The following SOBP variants were observed in gnomAD, a reference collection of about 807,000 sequenced individuals.
The protein encoded by SOBP is sine oculis binding protein homolog, also known as sine oculis-binding protein homolog.
Under a neutral mutation model 53.6 loss-of-function variants are expected in SOBP, and 4 were observed. That is an observed-to-expected ratio of 0.07 (90% confidence interval 0.04 to 0.17). SOBP has a LOEUF of 0.17. Ranked by LOEUF, SOBP falls within the 10% of genes least tolerant of loss-of-function variation. SOBP has a pLI of 1.00. For synonymous variants in SOBP, 584 were observed against 522.6 expected, an observed-to-expected ratio of 1.12 and a Z score of -1.60; for missense variants, 1,088 against 1,204.7, an observed-to-expected ratio of 0.90 and a Z score of 1.43.
chr6:107,584,383 T>A (rs1390210791), intron 4 of SOBP, among the ~76,000 whole-genome samples: 1 of 152,202 alleles, frequency 6.6e-6, no homozygotes, highest in African/African-American at 2.4e-5. Flanking sequence ...ATTAAAAATT[T>A]CACAATGCAA....
At chr6:107,542,531 G>C (rs1784178097) in intron 4 of SOBP, among the ~76,000 whole-genome samples, 1 of 152,102 alleles carries the variant, frequency 6.6e-6, no homozygotes, top group African/African-American at 2.4e-5. Context: ...TTTTGTTGTT[G>C]ATTGGGCCTC....
Position 107,556,279 on chromosome 6 carries a change from A to G in SOBP, c.573+22669A>G, listed in dbSNP as rs999208015. Reference sequence around the variant, plus strand: ...TCATGTGTAAAAAGCAGAAATGCACACTCTGAAGCAAACCCAGTAAATCAG... The same window carrying G: ...TCATGTGTAAAAAGCAGAAATGCACGCTCTGAAGCAAACCCAGTAAATCAG... On this transcript the variant is annotated intron_variant, in intron 4 of 6. Transcript: ENST00000317357. Among the ~76,000 whole-genome samples the G allele has an allele frequency of 5.9e-5, 9 of 152,218 alleles. No individual in the cohort carries two copies. In the East Asian group the frequency reaches 1.7e-3, roughly 29 times the overall value.
At chr6:107,600,819 A>G (rs1375560860) in intron 5 of SOBP, among the ~76,000 whole-genome samples, 2 of 152,246 alleles carry the variant, frequency 1.3e-5, no homozygotes, top group African/African-American at 4.8e-5. Context: ...CTAGTCAGCA[A>G]GCTTTTATTG....
At chr6:107,563,753 C>T (rs951034356) in intron 4 of SOBP, among the ~76,000 whole-genome samples, 1 of 152,014 alleles carries the variant, frequency 6.6e-6, no homozygotes, top group African/African-American at 2.4e-5. Flanking sequence ...GCAGAGGACA[C>T]CCTTTCCACA....
At chr6:107,591,967 T>TG in intron 5 of SOBP, among the ~76,000 whole-genome samples, 3 of 77,846 alleles carry the variant, frequency 3.9e-5, no homozygotes, top group Non-Finnish European at 7.2e-5. Flanking sequence ...GGTCTTTTGG[T>TG]GTTTTTTTTT....
At chr6:107,606,892 C>T (rs530193105) in intron 5 of SOBP, among the ~76,000 whole-genome samples, 14 of 152,332 alleles carry the variant, frequency 9.2e-5, no homozygotes, top group African/African-American at 3.1e-4. Flanking sequence ...TGATGTCCAA[C>T]GTGGAGCTTA....
intron 3 of SOBP, among the ~76,000 whole-genome samples, chr6:107,509,086 G>C (rs1237903077): frequency 1.3e-5 from 2 of 152,174 alleles, no homozygotes; most frequent in Non-Finnish European, 2.9e-5. Context: ...TGGTTGTTGT[G>C]GAGATGAGAT....
chr6:107,579,527 A>G (rs1159513977), intron 4 of SOBP, among the ~76,000 whole-genome samples: 1 of 152,164 alleles, frequency 6.6e-6, no homozygotes, highest in African/African-American at 2.4e-5. Context: ...AACATGATAT[A>G]TTTTAGTTCA....
intron 5 of SOBP, among the ~76,000 whole-genome samples, chr6:107,594,638 G>T (rs61362725): frequency 9.2e-5 from 14 of 152,118 alleles, no homozygotes; most frequent in African/African-American, 3.4e-4. Flanking sequence ...AGCCATATCT[G>T]CCATAGCAAA....
chr6:107,519,945 T>C (rs1202485523), intron 3 of SOBP, among the ~76,000 whole-genome samples: 1 of 152,112 alleles, frequency 6.6e-6, no homozygotes, highest in Non-Finnish European at 1.5e-5. Flanking sequence ...TGTACAGAAG[T>C]CCACAGTGAA....
intron 2 of SOBP, among the ~76,000 whole-genome samples, chr6:107,504,742 T>C (rs1289928568): frequency 6.6e-6 from 1 of 152,262 alleles, no homozygotes; most frequent in Non-Finnish European, 1.5e-5. Flanking sequence ...GGAAATGTAA[T>C]TGAGCTGCCC....
At chr6:107,556,803 CAG>C (rs1334182610) in intron 4 of SOBP, among the ~76,000 whole-genome samples, 4 of 152,132 alleles carry the variant, frequency 2.6e-5, no homozygotes, top group Non-Finnish European at 5.9e-5. Flanking sequence ...CTGGGTGAAA[CAG>C]AGTCTAGTCA....
intron 4 of SOBP, among the ~76,000 whole-genome samples, chr6:107,583,692 G>C (rs935774870): frequency 4.6e-5 from 7 of 151,942 alleles, no homozygotes; most frequent in Non-Finnish European, 7.4e-5. Context: ...CACCTGGCTA[G>C]TTTTTGTTTT....
At chr6:107,631,405 G>C (rs1284920555) in intron 5 of SOBP, among the ~76,000 whole-genome samples, 3 of 152,094 alleles carry the variant, frequency 2.0e-5, no homozygotes, top group Non-Finnish European at 4.4e-5. Context: ...TTTCATAGTG[G>C]AATTTAAGTG....
intron 6 of SOBP, among the ~76,000 whole-genome samples, chr6:107,651,921 T>C (rs1771817851): frequency 6.6e-6 from 1 of 152,228 alleles, no homozygotes; most frequent in Non-Finnish European, 1.5e-5. Flanking sequence ...CATGGTTTAC[T>C]GAATATTTTA....
chr6:107,542,711 T>C (rs984964023), intron 4 of SOBP, among the ~76,000 whole-genome samples: 1 of 152,120 alleles, frequency 6.6e-6, no homozygotes, highest in African/African-American at 2.4e-5. Flanking sequence ...GTAGCAAAAG[T>C]GTATTGAACC....
chr6:107,636,435 G>A (rs1054461597), intron 6 of SOBP: 1 of 152,236 alleles, frequency 6.6e-6, no homozygotes, highest in African/African-American at 2.4e-5. Context: ...TGGTGGAATA[G>A]GCATCATCTG....
Position 107,596,355 on chromosome 6 carries a change from C to T in SOBP, c.669+9180C>T, listed in dbSNP as rs74580377. ...AGATTCAATGAACCATGGAGGTGGA[C>T]GCTTAAGAATTATTTGATGAATGAA... On this transcript the variant is annotated intron_variant, in intron 5 of 6. Transcript: ENST00000317357. 3.4e-4 allele frequency among the ~76,000 whole-genome samples: 51 copies of T among 151,932 alleles called. No homozygotes were observed. The East Asian group carries it at 7.9e-3, about 24-fold the overall frequency.
At chr6:107,604,527 A>G (rs2115089826) in intron 5 of SOBP, among the ~76,000 whole-genome samples, 1 of 111,462 alleles carries the variant, frequency 9.0e-6, no homozygotes, top group African/African-American at 3.6e-5. Context: ...TAATCCCCCT[A>G]CACCCTCTAT....
Sources: gnomAD v4.1 joint callset for allele counts (sites outside exome capture counted in the v4.1 genomes callset) on GRCh38, gnomAD v4.1.1 for gene constraint, MANE v1.5 for transcripts, NCBI Gene and HGNC (gene_info 2026-07-23, HGNC 2026-07-21) for gene names.